The following CRB2 variants were observed in gnomAD, a reference collection of about 807,000 sequenced individuals.
CRB2 encodes the protein crumbs cell polarity complex component 2.
A neutral mutation model predicts 110.9 loss-of-function variants in CRB2; 85 were observed. The observed-to-expected ratio is 0.77, with a 90% CI of 0.64 to 0.92. The LOEUF (loss-of-function observed/expected upper bound fraction) is 0.92. CRB2 is among the 40% of genes least tolerant of loss of function. The pLI, the probability that CRB2 is intolerant of heterozygous loss-of-function variation, is 0.00. For missense variants in CRB2, 1,843 were observed against 1,851.3 expected, an observed-to-expected ratio of 1.00 and a Z score of 0.08; for synonymous variants, 907 against 831.0, an observed-to-expected ratio of 1.09 and a Z score of -1.57.
chr9:123,367,637 C>G lies in CRB2; in HGVS notation c.1005C>G (p.Cys335Trp). The G allele has an allele frequency of 1.9e-6, 3 of 1,570,660 alleles. No homozygotes were observed. The highest frequency in any genetic ancestry group is 2.6e-6 in the Non-Finnish European group (3 of 1,158,532). The change falls in exon 6 of 13, where the codon TGC becomes TGG. Residue 335 changes from cysteine to tryptophan, a missense_variant. By Grantham distance (215) the Cys-to-Trp change is radical. Coordinates refer to ENST00000373631, the MANE Select transcript of CRB2 (RefSeq NM_173689.7). ...ASRPCLNGGH[C>W]QDLPNGFQCH... ...GGCCATGCCTCAACGGAGGCCACTG[C>G]CAGGACCTGCCCAATGGCTTCCAGT...
At position 123,373,185 on chromosome 9, in the gene CRB2, A is replaced by G; in HGVS notation, c.2654A>G (p.His885Arg). The G allele has an allele frequency of 6.6e-7, 1 of 1,515,490 alleles. No homozygotes were observed. Among genetic ancestry groups the G allele is most frequent in the Non-Finnish European group, 8.8e-7 (1 of 1,138,186 alleles). The allele number at this position is 1,515,490 out of a possible 1,614,324, so 93.9% of individuals were successfully genotyped here. ...REGPPAAFSG[H>R]NASSGRLLGG... is the part of the protein sequence containing the mutation. ...GGTCCCCCCGCCGCGTTCAGCGGGC[A>G]CAACGCGTCGTCAGGGCGCTTGCTC... Residue 885 changes from histidine (H) to arginine (R), a missense_variant, in exon 10 of 13, where the codon CAC (histidine) becomes CGC (arginine). By Grantham distance (29) the His-to-Arg change is conservative. Coordinates refer to ENST00000373631, the MANE Select transcript of CRB2 (RefSeq NM_173689.7).
At chr9:123,356,887 C>A (rs1338079143) in intron 1 of CRB2, among the ~76,000 whole-genome samples, 1 of 152,028 alleles carries the variant, frequency 6.6e-6, no homozygotes, top group East Asian at 1.9e-4. Context: ...TGTGTCCTAG[C>A]ACACGCTGTG....
chr9:123,356,662 G>GGT (rs33964015), intron 1 of CRB2, among the ~76,000 whole-genome samples: 8,067 of 151,578 alleles, frequency 0.053, 222 homozygotes, highest in Middle Eastern at 0.11. Context: ...TGTTTTGGGA[G>GGT]GTGCTGTGTT....
downstream of CRB2, among the ~76,000 whole-genome samples, chr9:123,378,919 A>C (rs1433059311): frequency 1.4e-5 from 2 of 145,976 alleles, no homozygotes; most frequent in Non-Finnish European, 3.0e-5. Flanking sequence ...GGTTCAAGCA[A>C]TTCCCTGCCT....
chr9:123,380,083 G>A (rs1409536789), downstream of CRB2: 1 of 152,262 alleles, frequency 6.6e-6, no homozygotes, highest in Non-Finnish European at 1.5e-5. Context: ...GGGGCTCCCT[G>A]GGTGACATCT....
intron 2 of CRB2, among the ~76,000 whole-genome samples, chr9:123,365,368 G>GGT (rs1321463008): frequency 1.3e-5 from 2 of 152,092 alleles, no homozygotes; most frequent in African/African-American, 4.8e-5. Flanking sequence ...GAGGTTACCT[G>GGT]GTCCCCAAGG....
At chr9:123,371,033 C>T (rs751304333) in intron 7 of CRB2, 37 bp from the exon 8 acceptor site, 28 of 1,599,174 alleles carry the variant, frequency 1.8e-5, no homozygotes, top group Non-Finnish European at 2.4e-5. Flanking sequence ...CTCCCTCAGC[C>T]TGCAGGCCTC....
At chr9:123,375,135 G>A (rs1162787773) in intron 11 of CRB2, 82 bp from the exon 12 acceptor site, 2 of 1,584,758 alleles carry the variant, frequency 1.3e-6, no homozygotes, top group African/African-American at 2.7e-5. Context: ...GCTTGCTGAA[G>A]TGGGGATGGG....
Position 123,363,130 on chromosome 9 carries a change from G to A in CRB2, c.360G>A (p.Gly120=). The change falls in exon 2 of 13, where the codon GGG becomes GGA. Residue 120 remains glycine (G), a synonymous_variant. Coordinates refer to ENST00000373631, the MANE Select transcript of CRB2 (RefSeq NM_173689.7). ...DECASRPCHH[G]ATCRNLADRY... is the part of the protein sequence containing the mutation. Reference sequence around the variant, plus strand: ...GTGCATCCCGGCCGTGCCACCATGGGGCCACCTGCCGCAACCTGGCCGATC... The same window carrying A: ...GTGCATCCCGGCCGTGCCACCATGGAGCCACCTGCCGCAACCTGGCCGATC... The A allele has an allele frequency of 6.2e-7, 1 of 1,610,692 alleles. No homozygotes were observed. Among genetic ancestry groups the A allele is most frequent in the Non-Finnish European group, 8.5e-7 (1 of 1,179,510 alleles).
chr9:123,375,075 C>T (rs2042082727), intron 11 of CRB2, 142 bp from the exon 12 acceptor site: 3 of 1,290,220 alleles, frequency 2.3e-6, no homozygotes, highest in Admixed American at 4.1e-5. Context: ...CTGGCAGGGC[C>T]CAGCTGGGCA....
chr9:123,370,632 C>T lies in CRB2; in HGVS notation c.1579C>T (p.His527Tyr), dbSNP rs2042000353. ...GHWHQVEVVLHLATLELRLWH... is the reference protein window; with the variant it reads ...GHWHQVEVVLYLATLELRLWH... ...TTGGCACCAGGTGGAGGTTGTGCTC[C>T]ATCTAGCGACCCTGGAGCTACGGCT... The change falls in exon 7 of 13, where the codon CAT becomes TAT. Residue 527 changes from histidine to tyrosine, a missense_variant. His to Tyr is a moderately conservative substitution (Grantham distance 83). Transcript: ENST00000373631. 6.2e-7 allele frequency: 1 copy of T among 1,610,908 alleles called. No homozygotes were observed. The highest frequency in any genetic ancestry group is 1.1e-5 in the South Asian group (1 of 91,088).
chr9:123,369,039 G>T (rs532230560), intron 6 of CRB2: 17 of 972,460 alleles, frequency 1.7e-5, no homozygotes, highest in Admixed American at 9.4e-5. Flanking sequence ...TCGAGGCTGG[G>T]CTTCAAACCC....
At position 123,367,169 on chromosome 9, in the gene CRB2, C is replaced by T. The variant is rs1402879133; in HGVS notation, c.755-3C>T. The T allele has an allele frequency of 1.9e-6, 3 of 1,580,982 alleles. No homozygotes were observed. Among genetic ancestry groups the T allele is most frequent in the Non-Finnish European group, 2.6e-6 (3 of 1,169,828 alleles). ...CCTGATGTCCGCGTGTGTGTGCCCC[C>T]AGGCTACAGCGGCGAGCTGTGCGAG... is the stretch of plus-strand genomic sequence containing the variant. On this transcript the variant is annotated splice_region_variant and splice_polypyrimidine_tract_variant and intron_variant, in intron 4 of 12. Transcript: ENST00000373631.
Position 123,371,453 on chromosome 9 carries a change from C to T in CRB2, c.2311C>T (p.Arg771Ter), listed in dbSNP as rs754092962. The change falls in exon 8 of 13, where the codon CGA becomes TGA. Residue 771 changes from arginine (R) to a stop codon, truncating the protein, a stop_gained. Transcript: ENST00000373631. LOFTEE classifies it high-confidence loss of function. Reference protein sequence around the residue: ...GPFRGCLQDLRLDGCHLPFFP... With the variant: ...GPFRGCLQDL ...CTTCCGAGGCTGCCTCCAGGACCTG[C>T]GACTCGATGGCTGCCACCTCCCCTT... is the stretch of plus-strand genomic sequence containing the variant. 6.2e-6 allele frequency: 10 copies of T among 1,612,982 alleles called. No individual in the cohort carries two copies. The highest frequency in any genetic ancestry group is 1.7e-5 in the Admixed American group (1 of 60,010).
At position 123,370,827 on chromosome 9, in the gene CRB2, C is replaced by T; in HGVS notation, c.1774C>T (p.Pro592Ser). 1.2e-6 allele frequency: 2 copies of T among 1,605,776 alleles called. No individual in the cohort carries two copies. The highest frequency in any genetic ancestry group is 1.7e-6 in the Non-Finnish European group (2 of 1,179,910). ...GCGTGTGGATGGCCACCTCCTGCTG[C>T]CTGAGGATCTCGGTGAGAACGTCCT... Reference protein sequence around the residue: ...DVRVDGHLLLPEDLGENVLLG... With the variant: ...DVRVDGHLLLSEDLGENVLLG... The change falls in exon 7 of 13, where the codon CCT becomes TCT. Residue 592 changes from proline (P) to serine (S), a missense_variant. Transcript: ENST00000373631.
Position 123,366,229 on chromosome 9 carries a change from T to C in CRB2, c.617T>C (p.Phe206Ser). 4 of 1,460,844 alleles carry C rather than the reference T, an allele frequency of 2.7e-6. No homozygotes were observed. The highest frequency in any genetic ancestry group is 3.6e-6 in the Non-Finnish European group (4 of 1,116,004). The allele number at this position is 1,460,844 out of a possible 1,614,324, so 90.5% of individuals were successfully genotyped here. Residue 206 changes from phenylalanine to serine, a missense_variant and splice_region_variant, in exon 4 of 13, where the codon TTC (phenylalanine) becomes TCC (serine). Transcript: ENST00000373631. ...GGTCHDLVNG[F>S]RCDCAGTGYE... ...CTCCGCCGGTGCGCCCTCCCCAGGT[T>C]CCGGTGCGACTGCGCGGGCACCGGC...
intron 12 of CRB2, among the ~76,000 whole-genome samples, chr9:123,376,238 C>T (rs58111619): frequency 0.032 from 4,892 of 152,244 alleles, 262 homozygotes; most frequent in African/African-American, 0.11. Flanking sequence ...CAGAGGGAGG[C>T]TGGTGAGTCC....
At position 123,374,587 on chromosome 9, in the gene CRB2, T is replaced by C; in HGVS notation, c.3398T>C (p.Val1133Ala). 1 of 1,612,738 alleles carries C rather than the reference T, an allele frequency of 6.2e-7. No individual in the cohort carries two copies. The highest frequency in any genetic ancestry group is 8.5e-7 in the Non-Finnish European group (1 of 1,179,350). ...GFGGPRCRLPVPSKECSLNVT... is the reference protein window; with the variant it reads ...GFGGPRCRLPAPSKECSLNVT... ...CTCTGCTCTCTCCCCAGGTTGCCTG[T>C]CCCATCCAAGGAGTGCAGCCTGAAT... Residue 1133 changes from valine (V) to alanine (A), a missense_variant, in exon 11 of 13, where the codon GTC (valine) becomes GCC (alanine). Transcript: ENST00000373631.
Position 123,373,377 on chromosome 9 carries a change from C to T in CRB2, c.2846C>T (p.Pro949Leu), listed in dbSNP as rs1190791808. The T allele has an allele frequency of 4.9e-6, 7 of 1,431,656 alleles. No individual in the cohort carries two copies. Among genetic ancestry groups the T allele is most frequent in the East Asian group, 3.1e-5 (1 of 32,262 alleles). The allele number at this position is 1,431,656 out of a possible 1,614,324, so 88.7% of individuals were successfully genotyped here. The stretch of plus-strand genomic sequence containing the variant: ...GGCGCTGTGCTGCCCATACCGGGGC[C>T]GCGCGTGGCCGATGGTGCCTGGCAC... ...LPGAVLPIPG[P>L]RVADGAWHRV... The change falls in exon 10 of 13, where the codon CCG becomes CTG. Residue 949 changes from proline (P) to leucine (L), a missense_variant. Coordinates refer to ENST00000373631, the MANE Select transcript of CRB2 (RefSeq NM_173689.7).
Sources: allele counts gnomAD v4.1 joint callset (sites outside exome capture counted in the v4.1 genomes callset), GRCh38; gene constraint gnomAD v4.1.1; transcripts MANE v1.5; gene names NCBI Gene and HGNC (gene_info 2026-07-23, HGNC 2026-07-21).